Variants in CFAP20DC observed in about 807,000 individuals in gnomAD.
CFAP20DC encodes protein CFAP20DC.
Under a neutral mutation model 101.7 loss-of-function variants are expected in CFAP20DC, and 84 were observed. The observed-to-expected ratio is 0.83, with a 90% CI of 0.69 to 0.99. CFAP20DC has a LOEUF of 0.99. CFAP20DC is among the 50% of genes least tolerant of loss of function. The pLI, the probability that CFAP20DC is intolerant of heterozygous loss-of-function variation, is 0.00. For missense variants in CFAP20DC, 1,007 were observed against 970.3 expected, an observed-to-expected ratio of 1.04 and a Z score of -0.50; for synonymous variants, 359 against 351.2, an observed-to-expected ratio of 1.02 and a Z score of -0.25.
At chr3:58,809,210 C>T (rs1426463371) in intron 14 of CFAP20DC, among the ~76,000 whole-genome samples, 4 of 152,184 alleles carry the variant, frequency 2.6e-5, no homozygotes, top group African/African-American at 9.6e-5. Context: ...ACCTAATAGA[C>T]ATCTACAGAA....
intron 4 of CFAP20DC, among the ~76,000 whole-genome samples, chr3:58,962,859 G>A (rs1460074208): frequency 2.6e-5 from 4 of 151,964 alleles, no homozygotes; most frequent in Admixed American, 6.6e-5. Flanking sequence ...CCAGGGATAC[G>A]CAGGTACTTA....
chr3:59,009,640 G>A (rs982905620), intron 4 of CFAP20DC, among the ~76,000 whole-genome samples: 2 of 152,138 alleles, frequency 1.3e-5, no homozygotes, highest in Non-Finnish European at 2.9e-5. Flanking sequence ...CACATTTGGA[G>A]AACTTATTTG....
At chr3:58,769,454 CAT>C (rs1559564771) in intron 15 of CFAP20DC, among the ~76,000 whole-genome samples, 1 of 152,166 alleles carries the variant, frequency 6.6e-6, no homozygotes, top group Non-Finnish European at 1.5e-5. Context: ...GACTTCTTCA[CAT>C]ATTGAATTCT....
chr3:58,782,652 G>C (rs769848640), intron 15 of CFAP20DC, among the ~76,000 whole-genome samples: 1 of 151,728 alleles, frequency 6.6e-6, no homozygotes, highest in Non-Finnish European at 1.5e-5. Context: ...TAAGAAATAA[G>C]AAAGCAATTC....
chr3:58,756,757 A>G (rs933994578), intron 15 of CFAP20DC, among the ~76,000 whole-genome samples: 2 of 152,098 alleles, frequency 1.3e-5, no homozygotes, highest in Admixed American at 6.6e-5. Flanking sequence ...TTTTGCAAAA[A>G]CTGAACAGAT....
chr3:58,735,798 TG>T (rs777867218), intron 3 of CFAP20DC, among the ~76,000 whole-genome samples: 30 of 152,136 alleles, frequency 2.0e-4, no homozygotes, highest in Non-Finnish European at 3.7e-4. Flanking sequence ...TGATCAAAAA[TG>T]TATTAAAAAT....
At chr3:58,762,310 C>T (rs939883252) in intron 15 of CFAP20DC, among the ~76,000 whole-genome samples, 12 of 152,110 alleles carry the variant, frequency 7.9e-5, no homozygotes, top group East Asian at 1.9e-4. Flanking sequence ...TTTGTCTCTT[C>T]TGATCTTTGT....
At chr3:58,885,517 T>C (rs974208216) in intron 6 of CFAP20DC, among the ~76,000 whole-genome samples, 9 of 151,968 alleles carry the variant, frequency 5.9e-5, no homozygotes, top group Admixed American at 1.3e-4. Context: ...TGAAAGTATA[T>C]AACATATTAT....
In CFAP20DC at chr3:58,787,693, T is replaced by C. The variant is rs796827486; in HGVS notation, c.2237+18702A>G. Among the ~76,000 whole-genome samples, 5 of 152,096 alleles carry C rather than the reference T, an allele frequency of 3.3e-5. No homozygotes were observed. In the South Asian group the frequency reaches 1.0e-3, roughly 32 times the overall value. ...TCTACTATAAAGATGCACATGCATGTTTATTGCAGCACTATTTACAATAGC... is the reference window on the plus strand; with the variant it reads ...TCTACTATAAAGATGCACATGCATGCTTATTGCAGCACTATTTACAATAGC... On this transcript the variant is annotated intron_variant, in intron 15 of 16. Coordinates refer to ENST00000482387, the MANE Select transcript of CFAP20DC (RefSeq NM_001394063.1).
chr3:58,796,054 T>G (rs2073217146), intron 15 of CFAP20DC, among the ~76,000 whole-genome samples: 1 of 152,014 alleles, frequency 6.6e-6, no homozygotes, highest in South Asian at 2.1e-4. Context: ...GACCAAGACA[T>G]CTGTTGTGAT....
intron 4 of CFAP20DC, among the ~76,000 whole-genome samples, chr3:58,981,863 T>C (rs1246874624): frequency 6.6e-6 from 1 of 152,180 alleles, no homozygotes; most frequent in Non-Finnish European, 1.5e-5. Flanking sequence ...AAATGGGATC[T>C]AATTAAACTG....
intron 15 of CFAP20DC, among the ~76,000 whole-genome samples, chr3:58,781,225 A>G (rs1268209025): frequency 7.2e-5 from 11 of 151,850 alleles, no homozygotes; most frequent in Admixed American, 1.3e-4. Flanking sequence ...GAAATAAAAC[A>G]TTTCTTGAAA....
intron 3 of CFAP20DC, among the ~76,000 whole-genome samples, chr3:59,045,297 C>T (rs1699761216): frequency 6.6e-6 from 1 of 151,736 alleles, no homozygotes; most frequent in African/African-American, 2.4e-5. Context: ...CAGGTACCAA[C>T]AACAGGTCTT....
Position 58,869,293 on chromosome 3 carries a change from C to G in CFAP20DC, c.1015+35G>C. 1 of 1,538,850 alleles carries G rather than the reference C, an allele frequency of 6.5e-7. No homozygotes were observed. Among genetic ancestry groups the G allele is most frequent in the Non-Finnish European group, 8.9e-7 (1 of 1,123,606 alleles). ...ACAAGAACATTTCTCACTATTTTCA[C>G]TAGCTATCAATCTTTATGCATGATT... On this transcript the variant is annotated intron_variant, in intron 9 of 16. Coordinates refer to ENST00000482387, the MANE Select transcript of CFAP20DC (RefSeq NM_001394063.1). The surrounding 1 kb of genome is among the most constrained non-coding windows in gnomAD (Gnocchi z 4.3).
chr3:58,979,633 T>C (rs1428584934), intron 4 of CFAP20DC, among the ~76,000 whole-genome samples: 1 of 152,304 alleles, frequency 6.6e-6, no homozygotes, highest in African/African-American at 2.4e-5. Flanking sequence ...GATCCTACCT[T>C]AAGCAACAGC....
chr3:58,901,092 CTTAT>C (rs562199116), intron 6 of CFAP20DC, among the ~76,000 whole-genome samples: 77 of 152,218 alleles, frequency 5.1e-4, no homozygotes, highest in African/African-American at 1.8e-3. Flanking sequence ...CTACGTTCAT[CTTAT>C]TTATTTGGTA....
chr3:58,842,694 C>A (rs954108918), intron 13 of CFAP20DC, among the ~76,000 whole-genome samples: 1 of 152,246 alleles, frequency 6.6e-6, no homozygotes, highest in Non-Finnish European at 1.5e-5. Context: ...CCACTGTAGG[C>A]TCCACCTCTG....
intron 15 of CFAP20DC, among the ~76,000 whole-genome samples, chr3:58,804,940 G>C (rs956915732): frequency 6.6e-6 from 1 of 152,144 alleles, no homozygotes; most frequent in African/African-American, 2.4e-5. Flanking sequence ...AACCAGAGCA[G>C]GTGTACAGAA....
At chr3:59,039,688 C>G in intron 3 of CFAP20DC, 59 bp from the exon 4 acceptor site, 1 of 1,030,620 alleles carries the variant, frequency 9.7e-7, no homozygotes, top group Non-Finnish European at 1.4e-6. Flanking sequence ...TGCATATAAA[C>G]AAACACAATC....
Sources: allele counts gnomAD v4.1 joint callset (sites outside exome capture counted in the v4.1 genomes callset), GRCh38; gene constraint gnomAD v4.1.1; non-coding constraint Gnocchi (gnomAD v3.1); transcripts MANE v1.5; gene names NCBI Gene and HGNC (gene_info 2026-07-23, HGNC 2026-07-21).